The following DDX50 variants were observed in gnomAD, a reference collection of about 807,000 sequenced individuals.
The protein encoded by DDX50 is DExD-box helicase 50, also known as ATP-dependent RNA helicase DDX50.
In DDX50, 56 loss-of-function variants were observed where a neutral mutation model predicts 94.8. The observed-to-expected ratio is 0.59, with a 90% CI of 0.48 to 0.74. DDX50 has a LOEUF of 0.74. Among genes scored for constraint, DDX50 ranks in the 30% least tolerant of loss-of-function variants. The pLI, the probability that DDX50 is intolerant of heterozygous loss-of-function variation, is 0.00. For synonymous variants in DDX50, 264 were observed against 295.4 expected, an observed-to-expected ratio of 0.89 and a Z score of 1.09; for missense variants, 713 against 881.2, an observed-to-expected ratio of 0.81 and a Z score of 2.42.
chr10:68,913,919 T>G, intron 6 of DDX50, 140 bp from the exon 7 acceptor site: 1 of 828,734 alleles, frequency 1.2e-6, no homozygotes, highest in Non-Finnish European at 1.8e-6. Context: ...GTTTTAATAA[T>G]TGCAATGAAG....
Position 68,934,650 on chromosome 10 carries a change from C to A in DDX50, c.1402-149C>A, listed in dbSNP as rs1050659488. 2.8e-6 allele frequency: 3 copies of A among 1,089,512 alleles called. No individual in the cohort carries two copies. The highest frequency in any genetic ancestry group is 1.6e-5 in the African/African-American group (1 of 61,406). The allele number at this position is 1,089,512 out of a possible 1,614,324, so 67.5% of individuals were successfully genotyped here. Reference sequence around the variant, plus strand: ...AAGGTTTTAAATCATATTGCCTTTACCCCAAAATCCACACATATAAATTGT... The same window carrying A: ...AAGGTTTTAAATCATATTGCCTTTAACCCAAAATCCACACATATAAATTGT... On this transcript the variant is annotated intron_variant, in intron 9 of 14. Transcript: ENST00000373585. The surrounding 1 kb of genome is among the most constrained non-coding windows in gnomAD (Gnocchi z 4.0).
rs576693717 is a variant in DDX50 at position 68,913,701 on chromosome 10, A to T, written c.943+125A>T. 4.4e-6 allele frequency: 4 copies of T among 918,084 alleles called. No individual in the cohort carries two copies. In the East Asian group the frequency reaches 1.1e-4, roughly 25 times the overall value. The allele number at this position is 918,084 out of a possible 1,614,324, so 56.9% of individuals were successfully genotyped here. A position where few individuals can be genotyped will look rare whatever the true frequency, so the allele number is the denominator to read the frequency against. On this transcript the variant is annotated intron_variant, in intron 6 of 14. Transcript: ENST00000373585. Reference sequence around the variant, plus strand: ...TCTAACAAAACTAAAATAATTTGGTATCTGTTCTGTCCTTGAAAAAGAAAG... The same window carrying T: ...TCTAACAAAACTAAAATAATTTGGTTTCTGTTCTGTCCTTGAAAAAGAAAG...
In DDX50 at chr10:68,934,437, G is replaced by A; in HGVS notation, c.1401+77G>A. 1.3e-6 allele frequency: 2 copies of A among 1,574,230 alleles called. No homozygotes were observed. The highest frequency in any genetic ancestry group is 1.7e-6 in the Non-Finnish European group (2 of 1,162,878). On this transcript the variant is annotated intron_variant, in intron 9 of 14. Coordinates refer to ENST00000373585, the MANE Select transcript of DDX50 (RefSeq NM_024045.2). The surrounding 1 kb of genome is among the most constrained non-coding windows in gnomAD (Gnocchi z 4.0). Reference sequence around the variant, plus strand: ...CATTTAATTTACAACATATTGCTTGGGATGTGAAAAATATGTCATCTCTTC... The same window carrying A: ...CATTTAATTTACAACATATTGCTTGAGATGTGAAAAATATGTCATCTCTTC...
chr10:68,943,086 G>C (rs1335482236), intron 13 of DDX50, 127 bp from the exon 14 acceptor site: 1 of 779,800 alleles, frequency 1.3e-6, no homozygotes, highest in Non-Finnish European at 2.1e-6. Context: ...ATTGGATACT[G>C]TGTTTAGTTA....
intron 8 of DDX50, among the ~76,000 whole-genome samples, chr10:68,933,656 G>A (rs990188702): frequency 3.3e-5 from 5 of 151,880 alleles, no homozygotes; most frequent in Middle Eastern, 3.4e-3. Context: ...AAAAGTGGCC[G>A]GGTGTGGTGG....
chr10:68,903,280 C>T (rs36001183), intron 1 of DDX50, among the ~76,000 whole-genome samples: 26,979 of 151,952 alleles, frequency 0.18, 2,854 homozygotes, highest in Admixed American at 0.23. Flanking sequence ...GCCTGTAATC[C>T]CAGCACTTTG....
chr10:68,926,531 G>C (rs1156374286), intron 8 of DDX50, among the ~76,000 whole-genome samples: 5 of 152,158 alleles, frequency 3.3e-5, no homozygotes, highest in Non-Finnish European at 5.9e-5. Flanking sequence ...AATCTGAATA[G>C]TTTTTTGTTT....
intron 7 of DDX50, among the ~76,000 whole-genome samples, chr10:68,916,945 C>A (rs1017110426): frequency 6.6e-6 from 1 of 152,114 alleles, no homozygotes; most frequent in African/African-American, 2.4e-5. Context: ...CTTGGTCTCT[C>A]GAAGTGCTGG....
At chr10:68,930,634 C>T (rs930014614) in intron 8 of DDX50, among the ~76,000 whole-genome samples, 1 of 151,926 alleles carries the variant, frequency 6.6e-6, no homozygotes, top group African/African-American at 2.4e-5. Flanking sequence ...TTTGTGCACA[C>T]ACTCCATACA....
intron 2 of DDX50, among the ~76,000 whole-genome samples, chr10:68,908,439 G>A (rs1415040374): frequency 2.0e-4 from 16 of 81,712 alleles, no homozygotes; most frequent in African/African-American, 7.0e-4. Flanking sequence ...CAACAAGAGC[G>A]AAACTCCATC....
At chr10:68,903,807 AAAC>A (rs1841361523) in intron 1 of DDX50, among the ~76,000 whole-genome samples, 1 of 150,926 alleles carries the variant, frequency 6.6e-6, no homozygotes, top group Non-Finnish European at 1.5e-5. Flanking sequence ...TTTAAAAAAA[AAAC>A]CCAAAAAACC....
chr10:68,901,591 C>T (rs1841288706), intron 1 of DDX50, 120 bp downstream of exon 1: 2 of 1,070,856 alleles, frequency 1.9e-6, no homozygotes, highest in African/African-American at 1.6e-5. Context: ...GGCCTCCCTT[C>T]GCGCCGCCCT....
rs917956625 is a variant in DDX50 at position 68,903,405 on chromosome 10, C to A, written c.87+1934C>A. On this transcript the variant is annotated intron_variant, in intron 1 of 14. Coordinates refer to ENST00000373585, the MANE Select transcript of DDX50 (RefSeq NM_024045.2). Reference sequence around the variant, plus strand: ...AAATTGGGCCGGGCATGGTGACTCACTCCTGTAATCCCAGCACTTTGGGAG... The same window carrying A: ...AAATTGGGCCGGGCATGGTGACTCAATCCTGTAATCCCAGCACTTTGGGAG... Among the ~76,000 whole-genome samples the A allele has an allele frequency of 7.3e-5, 11 of 151,464 alleles. No homozygotes were observed. The East Asian group carries it at 1.4e-3, about 19-fold the overall frequency.
chr10:68,902,043 A>G (rs576611166), intron 1 of DDX50, among the ~76,000 whole-genome samples: 73 of 152,070 alleles, frequency 4.8e-4, no homozygotes, highest in African/African-American at 1.7e-3. Context: ...TTTTCATTCA[A>G]TCCGCAGGTG....
intron 1 of DDX50, among the ~76,000 whole-genome samples, chr10:68,905,491 A>G (rs759318173): frequency 2.0e-5 from 3 of 152,200 alleles, no homozygotes; most frequent in Non-Finnish European, 4.4e-5. Context: ...TAATGTGAAA[A>G]GAGAATGGGC....
At chr10:68,929,667 G>A (rs1053792474) in intron 8 of DDX50, among the ~76,000 whole-genome samples, 9 of 149,534 alleles carry the variant, frequency 6.0e-5, no homozygotes, top group Non-Finnish European at 1.2e-4. Flanking sequence ...CTCATGATCC[G>A]CCCACCTTGC....
chr10:68,922,983 G>A (rs1295699835), intron 8 of DDX50, among the ~76,000 whole-genome samples: 1 of 150,090 alleles, frequency 6.7e-6, no homozygotes, highest in Non-Finnish European at 1.5e-5. Flanking sequence ...GCAGAGACGG[G>A]TTTCACCATA....
intron 12 of DDX50, among the ~76,000 whole-genome samples, chr10:68,939,397 A>C (rs1032298837): frequency 9.2e-5 from 14 of 152,206 alleles, no homozygotes; most frequent in Non-Finnish European, 1.8e-4. Context: ...TGGGTCATTT[A>C]ATCTCTGATT....
Position 68,901,491 on chromosome 10 carries a change from C to T in DDX50, c.87+20C>T, listed in dbSNP as rs1381553506. The T allele has an allele frequency of 2.6e-6, 4 of 1,552,626 alleles. No homozygotes were observed. The highest frequency in any genetic ancestry group is 2.6e-6 in the Non-Finnish European group (3 of 1,148,206). ...CAAAAGGTGCGCTGAGCATGGGCCG[C>T]GCCTCCTTTTGGGCTGCGCCGGCTT... On this transcript the variant is annotated intron_variant, in intron 1 of 14. Coordinates refer to ENST00000373585, the MANE Select transcript of DDX50 (RefSeq NM_024045.2).
Sources: allele counts gnomAD v4.1 joint callset (sites outside exome capture counted in the v4.1 genomes callset), GRCh38; gene constraint gnomAD v4.1.1; non-coding constraint Gnocchi (gnomAD v3.1); transcripts MANE v1.5; gene names NCBI Gene and HGNC (gene_info 2026-07-23, HGNC 2026-07-21).